Variants in HMG20A observed in about 807,000 individuals in gnomAD.
HMG20A encodes high mobility group protein 20A.
Under a neutral mutation model 43.9 loss-of-function variants are expected in HMG20A, and 17 were observed. The observed-to-expected ratio is 0.39, with a 90% CI of 0.27 to 0.58. The LOEUF (loss-of-function observed/expected upper bound fraction) is 0.58, where lower values mean the gene tolerates loss of function less well. Among genes scored for constraint, HMG20A ranks in the 20% least tolerant of loss-of-function variants. The pLI is 0.59. For synonymous variants in HMG20A, 132 were observed against 147.5 expected, an observed-to-expected ratio of 0.89 and a Z score of 0.76; for missense variants, 341 against 438.2, an observed-to-expected ratio of 0.78 and a Z score of 1.98.
At chr15:77,456,988 C>T (rs2072660714) in intron 1 of HMG20A, among the ~76,000 whole-genome samples, 1 of 152,136 alleles carries the variant, frequency 6.6e-6, no homozygotes, top group African/African-American at 2.4e-5. Context: ...GAATAAAGTG[C>T]TTATGATGGT....
At chr15:77,456,727 G>A (rs1323788423) in intron 1 of HMG20A, among the ~76,000 whole-genome samples, 6 of 151,682 alleles carry the variant, frequency 4.0e-5, no homozygotes, top group Non-Finnish European at 5.9e-5. Flanking sequence ...TAGTCTGTAT[G>A]GTATCTAACA....
the HMG20A span, among the ~76,000 whole-genome samples, chr15:77,505,053 T>C: frequency 6.6e-6 from 1 of 152,220 alleles, no homozygotes; most frequent in Admixed American, 6.5e-5. Flanking sequence ...TGTGAACACC[T>C]GTTTGGACAC....
chr15:77,507,872 T>A, the HMG20A span, among the ~76,000 whole-genome samples: 1 of 134,238 alleles, frequency 7.4e-6, no homozygotes, highest in Non-Finnish European at 1.6e-5. Flanking sequence ...ATGGAAAGCA[T>A]GTTGTGGGGG....
the HMG20A span, among the ~76,000 whole-genome samples, chr15:77,503,365 A>G: frequency 1.3e-5 from 2 of 152,144 alleles, no homozygotes; most frequent in African/African-American, 2.4e-5. Flanking sequence ...CTGAAAGTTG[A>G]ATGTCTGCTC....
the HMG20A span, among the ~76,000 whole-genome samples, chr15:77,511,392 C>A: frequency 6.6e-6 from 1 of 152,194 alleles, no homozygotes; most frequent in African/African-American, 2.4e-5. Flanking sequence ...GCCCCCAAAT[C>A]ATTCGCCACT....
chr15:77,503,519 C>G, the HMG20A span, among the ~76,000 whole-genome samples: 1 of 152,174 alleles, frequency 6.6e-6, no homozygotes, highest in Non-Finnish European at 1.5e-5. Context: ...CACTTGAGCC[C>G]TCTCCTCAGG....
At chr15:77,467,433 A>G (rs999581656) in intron 4 of HMG20A, 126 bp downstream of exon 4, 5 of 732,494 alleles carry the variant, frequency 6.8e-6, no homozygotes, top group Non-Finnish European at 6.8e-6. Context: ...GGAGACCAGA[A>G]TAGCAGGGTC....
intron 1 of HMG20A, among the ~76,000 whole-genome samples, chr15:77,425,550 A>G (rs994277902): frequency 3.9e-5 from 6 of 152,194 alleles, no homozygotes; most frequent in African/African-American, 1.4e-4. Flanking sequence ...CACCTCCTAT[A>G]TAACTGGAGC....
chr15:77,444,533 A>G (rs2073651754), intron 1 of HMG20A, among the ~76,000 whole-genome samples: 1 of 152,240 alleles, frequency 6.6e-6, no homozygotes, highest in African/African-American at 2.4e-5. Context: ...CCTTGAAAAA[A>G]AGAAACAATC....
the HMG20A span, among the ~76,000 whole-genome samples, chr15:77,504,977 G>C: frequency 3.3e-5 from 5 of 152,200 alleles, 1 homozygote; most frequent in Admixed American, 3.3e-4. Context: ...CTGGCACAGT[G>C]TATGTTAGTT....
At chr15:77,492,044 G>T in the HMG20A span, among the ~76,000 whole-genome samples, 31 of 152,194 alleles carry the variant, frequency 2.0e-4, no homozygotes, top group Admixed American at 5.2e-4. Flanking sequence ...AGCTGCTTTG[G>T]CAATCTGGTA....
intron 1 of HMG20A, among the ~76,000 whole-genome samples, chr15:77,424,973 T>C (rs2073411341): frequency 6.6e-6 from 1 of 152,194 alleles, no homozygotes; most frequent in Non-Finnish European, 1.5e-5. Context: ...AAAAAATCTG[T>C]ACTGCACCCA....
At chr15:77,494,958 A>G in the HMG20A span, among the ~76,000 whole-genome samples, 1 of 152,210 alleles carries the variant, frequency 6.6e-6, no homozygotes, top group Non-Finnish European at 1.5e-5. Flanking sequence ...TGCAAGATAT[A>G]TCATAATGAG....
chr15:77,445,358 G>A (rs2073661101), intron 1 of HMG20A, among the ~76,000 whole-genome samples: 3 of 152,164 alleles, frequency 2.0e-5, no homozygotes, highest in Admixed American at 1.3e-4. Context: ...TGAATTTTAT[G>A]TTTGGGTTCA....
chr15:77,472,020 C>T (rs560648935), intron 6 of HMG20A, among the ~76,000 whole-genome samples: 24 of 152,042 alleles, frequency 1.6e-4, no homozygotes, highest in Non-Finnish European at 3.2e-4. Flanking sequence ...CAGCCCCTAA[C>T]CTCAATCCTT....
chr15:77,436,719 A>G (rs2073552940), intron 1 of HMG20A, among the ~76,000 whole-genome samples: 1 of 152,096 alleles, frequency 6.6e-6, no homozygotes, highest in South Asian at 2.1e-4. Flanking sequence ...TCAGCCTCCC[A>G]AAGTGCTGGG....
intron 1 of HMG20A, among the ~76,000 whole-genome samples, chr15:77,433,820 T>G (rs965295369): frequency 6.6e-6 from 1 of 152,226 alleles, no homozygotes; most frequent in Non-Finnish European, 1.5e-5. Context: ...CTCTCCAAAT[T>G]GCTCTATAGA....
chr15:77,438,799 C>CTT (rs201957957), intron 1 of HMG20A, among the ~76,000 whole-genome samples: 2 of 149,034 alleles, frequency 1.3e-5, no homozygotes, highest in African/African-American at 4.9e-5. Flanking sequence ...TTTCAAGTTT[C>CTT]TTTTTTTTTT....
chr15:77,497,559 C>A, the HMG20A span, among the ~76,000 whole-genome samples: 6 of 152,230 alleles, frequency 3.9e-5, no homozygotes, highest in Non-Finnish European at 8.8e-5. Flanking sequence ...GAGCTGCCAC[C>A]CCCCTCTGCC....
Sources: gnomAD v4.1 joint callset for allele counts (sites outside exome capture counted in the v4.1 genomes callset) on GRCh38, gnomAD v4.1.1 for gene constraint, MANE v1.5 for transcripts, NCBI Gene and HGNC (gene_info 2026-07-23, HGNC 2026-07-21) for gene names.